The following SLC15A1 variants were observed in gnomAD, a reference collection of about 807,000 sequenced individuals.
SLC15A1 encodes Caco-2 oligopeptide transporter.
A neutral mutation model predicts 92.9 loss-of-function variants in SLC15A1; 83 were observed. The observed-to-expected ratio is 0.89, with a 90% CI of 0.75 to 1.07. SLC15A1 has a LOEUF of 1.07. Among genes scored for constraint, SLC15A1 ranks in the 50% least tolerant of loss-of-function variants. The pLI, the probability that SLC15A1 is intolerant of heterozygous loss-of-function variation, is 0.00. For missense variants in SLC15A1, 857 were observed against 880.1 expected, an observed-to-expected ratio of 0.97 and a Z score of 0.33; for synonymous variants, 322 against 318.2, an observed-to-expected ratio of 1.01 and a Z score of -0.13.
chr13:98,726,009 C>G, intron 4 of SLC15A1, 114 bp downstream of exon 4: 1 of 1,364,416 alleles, frequency 7.3e-7, no homozygotes, highest in Admixed American at 2.1e-5. Context: ...CACCTGGCCT[C>G]TCCTAAGAGT....
At chr13:98,721,249 T>C (rs1431452256) in intron 7 of SLC15A1, 5 of 640,760 alleles carry the variant, frequency 7.8e-6, no homozygotes, top group African/African-American at 7.2e-5. Context: ...TTTAGGAAGA[T>C]GGATGCCCAT....
At chr13:98,688,210 T>G (rs769607335) in intron 20 of SLC15A1, 38 bp downstream of exon 20, 11 of 1,338,214 alleles carry the variant, frequency 8.2e-6, no homozygotes, top group Middle Eastern at 3.8e-4. Context: ...CAATCGAGTA[T>G]GAGCAGATCT....
rs1475262350 is a variant in SLC15A1 at position 98,684,010 on chromosome 13, G to A, written c.*714C>T. 6.6e-6 allele frequency: 1 copy of A among 152,148 alleles called. No homozygotes were observed. The highest frequency in any genetic ancestry group is 2.4e-5 in the African/African-American group (1 of 41,426). 9.4% of individuals were successfully genotyped at this position (152,148 alleles called of 1,614,324 possible). ...ACCTGTACGTTCACTTTTGGCCTTG[G>A]CTCCTGCCTCCTTTAGAATAGTTTT... On this transcript the variant is annotated 3_prime_UTR_variant, in exon 23 of 23. Transcript: ENST00000376503.
intron 1 of SLC15A1, among the ~76,000 whole-genome samples, chr13:98,745,468 C>T (rs61646988): frequency 6.6e-6 from 1 of 152,312 alleles, no homozygotes; most frequent in East Asian, 1.9e-4. Context: ...AGGATCATTA[C>T]AGCTGTAATT....
intron 1 of SLC15A1, among the ~76,000 whole-genome samples, chr13:98,737,940 G>C (rs1372586287): frequency 6.6e-6 from 1 of 152,190 alleles, no homozygotes; most frequent in East Asian, 1.9e-4. Context: ...AGGCTGAAGA[G>C]GTCTCAGGTG....
chr13:98,709,486 G>C, intron 14 of SLC15A1, 86 bp downstream of exon 14: 2 of 1,032,232 alleles, frequency 1.9e-6, no homozygotes, highest in Non-Finnish European at 1.5e-6. Context: ...GCGAGGTTGC[G>C]GGAAGGGCTG....
At chr13:98,706,295 C>T in intron 15 of SLC15A1, 42 bp from the exon 16 acceptor site, 1 of 1,601,720 alleles carries the variant, frequency 6.2e-7, no homozygotes, top group South Asian at 1.1e-5. Context: ...GTCTTCAATA[C>T]AACATGGAAA....
chr13:98,704,640 C>A (rs951067565), intron 16 of SLC15A1, among the ~76,000 whole-genome samples: 1 of 152,136 alleles, frequency 6.6e-6, no homozygotes, highest in Admixed American at 6.6e-5. Flanking sequence ...TTTGGTACCA[C>A]CACAGGAACC....
At chr13:98,722,551 C>T (rs1186046765) in intron 5 of SLC15A1, among the ~76,000 whole-genome samples, 1 of 152,144 alleles carries the variant, frequency 6.6e-6, no homozygotes, top group Non-Finnish European at 1.5e-5. Flanking sequence ...GTAGGTACTA[C>T]AAATTTCTGG....
At chr13:98,691,934 A>T (rs1207303223) in intron 18 of SLC15A1, among the ~76,000 whole-genome samples, 2 of 151,936 alleles carry the variant, frequency 1.3e-5, no homozygotes, top group Non-Finnish European at 2.9e-5. Flanking sequence ...TTAGCTGGAC[A>T]TGGTGGTGCA....
intron 4 of SLC15A1, among the ~76,000 whole-genome samples, chr13:98,725,771 C>G (rs1347682681): frequency 6.6e-6 from 1 of 152,162 alleles, no homozygotes; most frequent in African/African-American, 2.4e-5. Context: ...GTCATCCAGG[C>G]TGGGGTGCAG....
At chr13:98,726,512 G>C in intron 2 of SLC15A1, 63 bp from the exon 3 acceptor site, 1 of 1,467,130 alleles carries the variant, frequency 6.8e-7, no homozygotes, top group Non-Finnish European at 9.5e-7. Context: ...AGCCACAAAG[G>C]AGCACCAGTG....
rs112268059 is a variant in SLC15A1, at chr13:98,686,344, G to C, written c.1828-47C>G. 6 of 1,343,914 alleles carry C rather than the reference G, an allele frequency of 4.5e-6. 1 individual carries two copies. In the South Asian group the frequency reaches 7.4e-5, roughly 17 times the overall value. The allele number at this position is 1,343,914 out of a possible 1,614,324, so 83.2% of individuals were successfully genotyped here. On this transcript the variant is annotated intron_variant, in intron 21 of 22. Transcript: ENST00000376503. ...AGTCCTGCTCCAGGTCTCACCCTCC[G>C]AGCAGGAGAACACAGCTCACCGATG...
Position 98,724,012 on chromosome 13 carries a change from T to C in SLC15A1, c.265A>G (p.Ile89Val), listed in dbSNP as rs759732618. ...GKFKTIVSLS[I>V]VYTIGQAVTS... ...ACTGCTTGTCCAATTGTGTAGACAA[T>C]GGAGAGCGACACAATGGTCCTGTGT... Residue 89 changes from isoleucine to valine, a missense_variant, in exon 5 of 23, where the codon ATT becomes GTT. By Grantham distance (29) the Ile-to-Val change is conservative. Coordinates refer to ENST00000376503, the MANE Select transcript of SLC15A1 (RefSeq NM_005073.4). The C allele has an allele frequency of 1.2e-6, 2 of 1,613,884 alleles. No individual in the cohort carries two copies. The highest frequency in any genetic ancestry group is 1.7e-5 in the Admixed American group (1 of 59,980).
Position 98,691,603 on chromosome 13 carries a change from C to G in SLC15A1, c.1467-3026G>C, listed in dbSNP as rs188976049. ...CTGTCTGTGAGTAAAGAGTGACTCC[C>G]TCCAATCTTATTGTGTTGATATCTG... is the stretch of plus-strand genomic sequence containing the variant. On this transcript the variant is annotated intron_variant, in intron 18 of 22. Coordinates refer to ENST00000376503, the MANE Select transcript of SLC15A1 (RefSeq NM_005073.4). Among the ~76,000 whole-genome samples the G allele has an allele frequency of 4.6e-5, 7 of 152,318 alleles. No homozygotes were observed. The South Asian group carries it at 8.3e-4, about 18-fold the overall frequency.
At chr13:98,739,232 GC>G (rs2088420454) in intron 1 of SLC15A1, among the ~76,000 whole-genome samples, 1 of 152,184 alleles carries the variant, frequency 6.6e-6, no homozygotes, top group African/African-American at 2.4e-5. Context: ...GACTTGCCTT[GC>G]CTCAGATGAG....
intron 22 of SLC15A1, 56 bp downstream of exon 22, chr13:98,686,123 AAGGCCACCATG>A: frequency 8.5e-7 from 1 of 1,181,710 alleles, no homozygotes; most frequent in South Asian, 1.3e-5. Flanking sequence ...ATGGCTAGGG[AAGGCCACCATG>A]ATGACCATGA....
intron 1 of SLC15A1, among the ~76,000 whole-genome samples, chr13:98,750,876 C>G (rs1204616569): frequency 6.6e-6 from 1 of 151,390 alleles, no homozygotes; most frequent in Admixed American, 6.6e-5. Context: ...CTCAGCCTTC[C>G]GAGTAGCTGG....
chr13:98,712,630 T>A (rs2088173685), intron 9 of SLC15A1, 46 bp from the exon 10 acceptor site: 1 of 1,390,608 alleles, frequency 7.2e-7, no homozygotes, highest in South Asian at 1.2e-5. Flanking sequence ...GACCAACAAC[T>A]TTGTCAGGGA....
Sources: allele counts gnomAD v4.1 joint callset (sites outside exome capture counted in the v4.1 genomes callset), GRCh38; gene constraint gnomAD v4.1.1; transcripts MANE v1.5; gene names NCBI Gene and HGNC (gene_info 2026-07-23, HGNC 2026-07-21).